The following ZNF469 variants were observed in gnomAD, a reference collection of about 807,000 sequenced individuals.
The protein encoded by ZNF469 is zinc finger protein 469.
ZNF469 carries 1 observed loss-of-function variant against 1.0 expected under a neutral mutation model. The observed-to-expected ratio is 1.00, with a 90% confidence interval of 0.35 to 4.73. The LOEUF (loss-of-function observed/expected upper bound fraction) is 4.73, where lower values mean the gene tolerates loss of function less well. Among genes scored for constraint, ZNF469 ranks in the 30% most tolerant of loss-of-function variants. The pLI, the probability that ZNF469 is intolerant of heterozygous loss-of-function variation, is 0.16. For missense variants in ZNF469, 6,100 were observed against 5,356.3 expected (o/e 1.14, Z -4.33); for synonymous variants, 2,703 against 2,363.4 (o/e 1.14, Z -4.17).
chr16:88,246,445 G>A, the ZNF469 span, among the ~76,000 whole-genome samples: 1 of 152,182 alleles, frequency 6.6e-6, no homozygotes, highest in Admixed American at 6.5e-5. Flanking sequence ...CCAGATGAGG[G>A]GAGAATTTGT....
chr16:88,318,391 C>T, the ZNF469 span, among the ~76,000 whole-genome samples: 3 of 152,226 alleles, frequency 2.0e-5, no homozygotes, highest in South Asian at 2.1e-4. Context: ...TGTGCCCATT[C>T]GGTAAGCGGG....
the ZNF469 span, among the ~76,000 whole-genome samples, chr16:88,156,067 G>A: frequency 6.6e-6 from 1 of 152,164 alleles, no homozygotes; most frequent in South Asian, 2.1e-4. Flanking sequence ...TGCCTGTTTA[G>A]TTCTTTTGCC....
chr16:88,256,526 T>G, the ZNF469 span, among the ~76,000 whole-genome samples: 1 of 152,226 alleles, frequency 6.6e-6, no homozygotes, highest in South Asian at 2.1e-4. Flanking sequence ...TGTGTGTAGG[T>G]TTTTATGTGA....
At chr16:88,226,952 G>A in the ZNF469 span, among the ~76,000 whole-genome samples, 5 of 151,834 alleles carry the variant, frequency 3.3e-5, no homozygotes, top group African/African-American at 7.3e-5. Context: ...AATGCCCTGC[G>A]CGTTTCCACC....
At chr16:88,348,945 A>C in the ZNF469 span, among the ~76,000 whole-genome samples, 1 of 152,116 alleles carries the variant, frequency 6.6e-6, no homozygotes, top group South Asian at 2.1e-4. Flanking sequence ...GGTAGGGCTC[A>C]CCACAGCCCC....
At chr16:88,100,986 G>C in the ZNF469 span, 1 of 272,490 alleles carries the variant, frequency 3.7e-6, no homozygotes, top group Non-Finnish European at 7.2e-6. Flanking sequence ...CCTGGGGCGT[G>C]GAGCCGGGGC....
At chr16:88,341,112 C>G in the ZNF469 span, among the ~76,000 whole-genome samples, 2 of 152,334 alleles carry the variant, frequency 1.3e-5, no homozygotes, top group East Asian at 1.9e-4. Context: ...ATCTCTCAGG[C>G]CTTGTGGGCC....
rs561920350 is a variant in ZNF469, at chr16:88,440,022, A to G, written c.*690A>G. On this transcript the variant is annotated 3_prime_UTR_variant, in exon 3 of 3. Transcript: ENST00000565624. ...GGGTTCCCGTATGGAACTGGGAAGA[A>G]ACCGCCCCTGTGCCAGCTCCCGCGG... 3.2e-5 allele frequency: 5 copies of G among 154,358 alleles called. No individual in the cohort carries two copies. Among genetic ancestry groups the G allele is most frequent in the African/African-American group, 1.2e-4 (5 of 41,522 alleles). 9.6% of individuals were successfully genotyped at this position (154,358 alleles called of 1,614,324 possible).
At chr16:88,243,403 C>A in the ZNF469 span, among the ~76,000 whole-genome samples, 1 of 152,164 alleles carries the variant, frequency 6.6e-6, no homozygotes, top group Non-Finnish European at 1.5e-5. Flanking sequence ...ATATACCCAC[C>A]CCTTCTGGAA....
At chr16:88,292,574 C>G in the ZNF469 span, among the ~76,000 whole-genome samples, 1 of 151,864 alleles carries the variant, frequency 6.6e-6, no homozygotes, top group Non-Finnish European at 1.5e-5. Context: ...TTGAGTGAAG[C>G]CTCGTACAGC....
the ZNF469 span, among the ~76,000 whole-genome samples, chr16:88,369,660 G>C: frequency 3.3e-5 from 5 of 152,354 alleles, no homozygotes; most frequent in Admixed American, 6.5e-5. Flanking sequence ...ACATTCTCAT[G>C]ATGACTCTGA....
At chr16:88,387,898 A>G (rs1904380369) in intron 1 of ZNF469, among the ~76,000 whole-genome samples, 1 of 152,190 alleles carries the variant, frequency 6.6e-6, no homozygotes, top group African/African-American at 2.4e-5. Flanking sequence ...TCCTCCAATC[A>G]GGGTGGGTGG....
the ZNF469 span, among the ~76,000 whole-genome samples, chr16:88,366,128 CCAT>C: frequency 1.7e-4 from 26 of 150,386 alleles, 1 homozygote; most frequent in East Asian, 4.5e-3. Context: ...ACCATCATCA[CCAT>C]CATCATCACC....
At chr16:88,154,677 G>T in the ZNF469 span, among the ~76,000 whole-genome samples, 2 of 152,230 alleles carry the variant, frequency 1.3e-5, no homozygotes, top group Admixed American at 1.3e-4. Flanking sequence ...GCTTAGACTC[G>T]CTATTTTGTG....
At chr16:88,122,270 AC>A in the ZNF469 span, among the ~76,000 whole-genome samples, 2 of 149,770 alleles carry the variant, frequency 1.3e-5, no homozygotes, top group Admixed American at 1.3e-4. Context: ...CTCTGATCAC[AC>A]CCCATCACTT....
the ZNF469 span, among the ~76,000 whole-genome samples, chr16:88,104,215 A>G: frequency 4.0e-5 from 6 of 148,196 alleles, no homozygotes; most frequent in Admixed American, 4.1e-4. Context: ...GGACTGTCCG[A>G]TGGGGACGTC....
upstream of ZNF469, among the ~76,000 whole-genome samples, chr16:88,380,849 C>T (rs1169553173): frequency 6.7e-6 from 1 of 149,744 alleles, no homozygotes; most frequent in Non-Finnish European, 1.5e-5. Context: ...CACAGACATG[C>T]ACTCACATGC....
At chr16:88,133,103 G>C in the ZNF469 span, among the ~76,000 whole-genome samples, 5,072 of 152,034 alleles carry the variant, frequency 0.033, no homozygotes, top group African/African-American at 0.11. Context: ...AGCTTTGCGG[G>C]AGAGCACTGC....
chr16:88,137,563 C>T, the ZNF469 span, among the ~76,000 whole-genome samples: 4 of 152,320 alleles, frequency 2.6e-5, no homozygotes, highest in African/African-American at 9.6e-5. Flanking sequence ...TACCGCCATG[C>T]ATGTATACAG....
Sources: gnomAD v4.1 joint callset for allele counts (sites outside exome capture counted in the v4.1 genomes callset) on GRCh38, gnomAD v4.1.1 for gene constraint, MANE v1.5 for transcripts, NCBI Gene and HGNC (gene_info 2026-07-23, HGNC 2026-07-21) for gene names.